VEGFC: variants seen among roughly 807,000 people sequenced by gnomAD.
VEGFC encodes FLT4 ligand DHM.
A neutral mutation model predicts 46.1 loss-of-function variants in VEGFC; 12 were observed. The ratio of observed to expected loss-of-function variants is 0.26; its 90% CI spans 0.17 to 0.42. The LOEUF (loss-of-function observed/expected upper bound fraction) is 0.42. Ranked by LOEUF, VEGFC falls within the 10% of genes least tolerant of loss-of-function variation. The pLI is 1.00. For missense variants in VEGFC, 488 were observed against 529.4 expected, an observed-to-expected ratio of 0.92 and a Z score of 0.77; for synonymous variants, 232 against 195.5, an observed-to-expected ratio of 1.19 and a Z score of -1.56.
chr4:176,719,446 A>C (rs980201371), intron 3 of VEGFC, among the ~76,000 whole-genome samples: 14 of 152,194 alleles, frequency 9.2e-5, no homozygotes, highest in African/African-American at 2.9e-4. Context: ...CTACTTAAGT[A>C]CACGTTTTCA....
At chr4:176,715,386 A>C (rs2111002992) in intron 3 of VEGFC, among the ~76,000 whole-genome samples, 1 of 152,312 alleles carries the variant, frequency 6.6e-6, no homozygotes, top group Non-Finnish European at 1.5e-5. Flanking sequence ...TGATAATATT[A>C]AAAGTAGAAA....
Position 176,729,713 on chromosome 4 carries a change from G to A in VEGFC, c.181C>T (p.Arg61Trp), listed in dbSNP as rs566826535. Reference sequence around the variant, plus strand: ...AGTTCATCTACACTGGACACAGACCGTAACTGCTCCTCCAGATCTTTGCTT... The same window carrying A: ...AGTTCATCTACACTGGACACAGACCATAACTGCTCCTCCAGATCTTTGCTT... ...YASKDLEEQL[R>W]SVSSVDELMT... The change falls in exon 2 of 7, where the codon CGG (arginine) becomes TGG (tryptophan). Residue 61 changes from arginine (R) to tryptophan (W), a missense_variant. By Grantham distance (101) the Arg-to-Trp change is moderately radical (BLOSUM62 -3). Coordinates refer to ENST00000618562, the MANE Select transcript of VEGFC (RefSeq NM_005429.5). 5.2e-5 allele frequency: 84 copies of A among 1,605,448 alleles called. No homozygotes were observed. Among genetic ancestry groups the A allele is most frequent in the African/African-American group, 4.4e-4 (33 of 74,628 alleles).
chr4:176,788,118 G>A (rs967042796), intron 1 of VEGFC, among the ~76,000 whole-genome samples: 15 of 152,170 alleles, frequency 9.9e-5, no homozygotes, highest in African/African-American at 3.1e-4. Flanking sequence ...ATTTGGCAGA[G>A]GTAAAATCAC....
At chr4:176,750,359 T>G (rs941755818) in intron 1 of VEGFC, among the ~76,000 whole-genome samples, 3 of 151,712 alleles carry the variant, frequency 2.0e-5, no homozygotes, top group African/African-American at 7.2e-5. Context: ...AAGAATAACC[T>G]AAAACAAAAC....
At chr4:176,698,785 CAT>C (rs1386304593) in intron 4 of VEGFC, among the ~76,000 whole-genome samples, 1 of 151,992 alleles carries the variant, frequency 6.6e-6, no homozygotes, top group Non-Finnish European at 1.5e-5. Flanking sequence ...TTCTAGATTC[CAT>C]ATATAAGGGA....
At chr4:176,742,716 C>A (rs3919938) in intron 1 of VEGFC, among the ~76,000 whole-genome samples, 8,496 of 152,012 alleles carry the variant, frequency 0.056, 448 homozygotes, top group African/African-American at 0.12. Context: ...TGGCATATCA[C>A]CATCTTTATA....
chr4:176,772,474 C>G (rs1735739445), intron 1 of VEGFC, among the ~76,000 whole-genome samples: 2 of 152,150 alleles, frequency 1.3e-5, no homozygotes, highest in Admixed American at 6.6e-5. Context: ...GGTGGGTATA[C>G]AAAGAGTACA....
intron 1 of VEGFC, among the ~76,000 whole-genome samples, chr4:176,767,229 A>T (rs545360598): frequency 6.6e-6 from 1 of 152,198 alleles, no homozygotes; most frequent in African/African-American, 2.4e-5. Context: ...TTGTCAAAAG[A>T]TGTCCAACTT....
At chr4:176,753,823 T>C (rs1175115487) in intron 1 of VEGFC, among the ~76,000 whole-genome samples, 1 of 152,102 alleles carries the variant, frequency 6.6e-6, no homozygotes, top group Non-Finnish European at 1.5e-5. Context: ...ACAGAAATAC[T>C]CAGAAATCTA....
At chr4:176,693,737 G>C (rs1426331197) in intron 4 of VEGFC, among the ~76,000 whole-genome samples, 1 of 136,708 alleles carries the variant, frequency 7.3e-6, no homozygotes, top group Non-Finnish European at 1.5e-5. Flanking sequence ...GAAAGGTCTG[G>C]TTACCCTCAA....
At chr4:176,763,835 G>A (rs1169539216) in intron 1 of VEGFC, among the ~76,000 whole-genome samples, 1 of 151,992 alleles carries the variant, frequency 6.6e-6, no homozygotes, top group African/African-American at 2.4e-5. Context: ...ATCCTCCTAA[G>A]AGTCCTCTAA....
intron 1 of VEGFC, among the ~76,000 whole-genome samples, chr4:176,763,088 A>G (rs1378242601): frequency 6.6e-6 from 1 of 152,246 alleles, no homozygotes; most frequent in Non-Finnish European, 1.5e-5. Context: ...TTGTGGTCTG[A>G]AGTAACACTA....
At chr4:176,745,426 T>C (rs769907817) in intron 1 of VEGFC, among the ~76,000 whole-genome samples, 17 of 152,100 alleles carry the variant, frequency 1.1e-4, no homozygotes, top group Non-Finnish European at 1.8e-4. Context: ...GTGTTCCACC[T>C]GAACCTGCCA....
chr4:176,792,534 CAGGTAAA>C lies in VEGFC; in HGVS notation c.-230_-224del. 2.5e-6 allele frequency: 1 copy of C among 397,880 alleles called. No individual in the cohort carries two copies. The highest frequency in any genetic ancestry group is 2.1e-5 in the African/African-American group (1 of 47,794). 24.6% of individuals were successfully genotyped at this position (397,880 alleles called of 1,614,324 possible). A position where few individuals can be genotyped will look rare whatever the true frequency, so the allele number is the denominator to read the frequency against. On this transcript the variant is annotated 5_prime_UTR_variant, in exon 1 of 7. The change abolishes the stop of an existing upstream ORF in the 5' untranslated region. Coordinates refer to ENST00000618562, the MANE Select transcript of VEGFC (RefSeq NM_005429.5). The surrounding 1 kb of genome is among the most constrained non-coding windows in gnomAD (Gnocchi z 6.3). ...AGTGCCGGGGAAAGGCGGCGGGTGT[CAGGTAAA>C]AGCCTCACAGGAAACCGGACATCCG... is the stretch of plus-strand genomic sequence containing the variant.
At chr4:176,732,607 A>C (rs1362639699) in intron 1 of VEGFC, among the ~76,000 whole-genome samples, 3 of 151,828 alleles carry the variant, frequency 2.0e-5, no homozygotes, top group Non-Finnish European at 2.9e-5. Context: ...CTTCAGTGGA[A>C]TCCGTGAAAG....
intron 3 of VEGFC, among the ~76,000 whole-genome samples, chr4:176,719,952 G>A (rs1333961624): frequency 6.6e-6 from 1 of 151,898 alleles, no homozygotes; most frequent in Non-Finnish European, 1.5e-5. Flanking sequence ...CCAGCTACTC[G>A]GGAGGCTGAG....
chr4:176,725,416 G>C (rs957683062), intron 3 of VEGFC, among the ~76,000 whole-genome samples: 2 of 152,128 alleles, frequency 1.3e-5, no homozygotes, highest in African/African-American at 4.8e-5. Flanking sequence ...CGATCCTCCT[G>C]CCTCTGCCTC....
At chr4:176,721,774 G>A (rs772602240) in intron 3 of VEGFC, among the ~76,000 whole-genome samples, 38 of 152,298 alleles carry the variant, frequency 2.5e-4, no homozygotes, top group Non-Finnish European at 5.0e-4. Flanking sequence ...ACTGTTAAGT[G>A]AGACAGACTG....
intron 1 of VEGFC, among the ~76,000 whole-genome samples, chr4:176,780,295 T>C (rs939844942): frequency 1.1e-4 from 17 of 148,882 alleles, no homozygotes; most frequent in Admixed American, 3.4e-4. Flanking sequence ...GCAGGGAGAA[T>C]TGCTTGAACC....
Sources: allele counts gnomAD v4.1 joint callset (sites outside exome capture counted in the v4.1 genomes callset), GRCh38; gene constraint gnomAD v4.1.1; non-coding constraint Gnocchi (gnomAD v3.1); transcripts MANE v1.5; gene names NCBI Gene and HGNC (gene_info 2026-07-23, HGNC 2026-07-21).